ABHD17C: variants seen among roughly 807,000 people sequenced by gnomAD.
ABHD17C encodes the protein alpha/beta hydrolase domain-containing protein 17C.
A neutral mutation model predicts 27.9 loss-of-function variants in ABHD17C; 11 were observed. The observed-to-expected ratio is 0.39, with a 90% CI of 0.25 to 0.65. ABHD17C has a LOEUF of 0.65. ABHD17C is among the 30% of genes least tolerant of loss of function. ABHD17C has a pLI of 0.45. For synonymous variants in ABHD17C, 233 were observed against 209.1 expected (o/e 1.11, Z -0.98); for missense variants, 280 against 470.2 (o/e 0.60, Z 3.74).
At position 80,708,212 on chromosome 15, in the gene ABHD17C, TTTC is replaced by T. The variant is rs969705674; in HGVS notation, c.590+12196_590+12198del. Among the ~76,000 whole-genome samples the T allele has an allele frequency of 8.7e-4, 133 of 152,354 alleles. 1 individual carries two copies. The highest frequency in any genetic ancestry group is 3.0e-3 in the African/African-American group (125 of 41,590). On this transcript the variant is annotated intron_variant, in intron 1 of 2. Coordinates refer to ENST00000258884, the MANE Select transcript of ABHD17C (RefSeq NM_021214.2). ...GTTTTCCATCTTTTCCTTCTCCTTC[TTTC>T]TTTATTCTAGGCTCTTGATAGCTTG... is the stretch of plus-strand genomic sequence containing the variant.
At chr15:80,714,956 ATCT>A (rs921726885) in intron 1 of ABHD17C, among the ~76,000 whole-genome samples, 47 of 152,274 alleles carry the variant, frequency 3.1e-4, no homozygotes, top group Middle Eastern at 3.4e-3. Flanking sequence ...GCTAGGTATA[ATCT>A]TCTGCAGTAT....
chr15:80,713,354 C>CTTTTTTTTTT (rs67320992), intron 1 of ABHD17C, among the ~76,000 whole-genome samples: 1,196 of 43,872 alleles, frequency 0.027, 293 homozygotes, highest in East Asian at 0.19. Context: ...AGGTCTTGTT[C>CTTTTTTTTTT]TTTTTTTTTT....
chr15:80,709,027 A>G lies in ABHD17C; in HGVS notation c.590+13008A>G, dbSNP rs192209172. Reference sequence around the variant, plus strand: ...TGTACAATATTACCTGCTCCTGGGAAGTTTCTGCGAATCTCCTTTGCTGAA... The same window carrying G: ...TGTACAATATTACCTGCTCCTGGGAGGTTTCTGCGAATCTCCTTTGCTGAA... On this transcript the variant is annotated intron_variant, in intron 1 of 2. Transcript: ENST00000258884. Among the ~76,000 whole-genome samples the G allele has an allele frequency of 2.1e-3, 317 of 152,302 alleles. 1 individual carries two copies. The highest frequency in any genetic ancestry group is 7.5e-3 in the African/African-American group (312 of 41,566).
intron 1 of ABHD17C, among the ~76,000 whole-genome samples, chr15:80,698,472 G>A (rs1468969129): frequency 6.6e-6 from 1 of 152,230 alleles, no homozygotes; most frequent in East Asian, 1.9e-4. Flanking sequence ...TCTGACAGGA[G>A]GATAGACTGG....
intron 1 of ABHD17C, among the ~76,000 whole-genome samples, chr15:80,736,629 G>T (rs893357721): frequency 1.3e-5 from 2 of 152,118 alleles, no homozygotes; most frequent in African/African-American, 4.8e-5. Context: ...GTTACCTTGT[G>T]TATTTATCTT....
At chr15:80,699,445 G>T (rs1469150493) in intron 1 of ABHD17C, among the ~76,000 whole-genome samples, 2 of 151,806 alleles carry the variant, frequency 1.3e-5, no homozygotes, top group Non-Finnish European at 2.9e-5. Context: ...AGATGTATTG[G>T]CTTGAGGCCT....
Position 80,755,245 on chromosome 15 carries a change from A to G in ABHD17C, c.*875A>G, listed in dbSNP as rs958538335. The G allele has an allele frequency of 2.6e-5, 4 of 152,170 alleles. No homozygotes were observed. Among genetic ancestry groups the G allele is most frequent in the Admixed American group, 1.3e-4 (2 of 15,274 alleles). 9.4% of individuals were successfully genotyped at this position (152,170 alleles called of 1,614,324 possible). On this transcript the variant is annotated 3_prime_UTR_variant, in exon 3 of 3. Transcript: ENST00000258884. ...ATTTTGTTAATATGTTTTTATTCCT[A>G]TGTTTTGCTATTAAAAATTTTATAA... is the stretch of plus-strand genomic sequence containing the variant.
At chr15:80,730,097 A>G (rs1194108567) in intron 1 of ABHD17C, among the ~76,000 whole-genome samples, 1 of 148,798 alleles carries the variant, frequency 6.7e-6, no homozygotes, top group Non-Finnish European at 1.5e-5. Flanking sequence ...CAACAGAGCA[A>G]GACTCCATCT....
At chr15:80,706,530 T>C (rs934767415) in intron 1 of ABHD17C, among the ~76,000 whole-genome samples, 1 of 152,218 alleles carries the variant, frequency 6.6e-6, no homozygotes, top group Non-Finnish European at 1.5e-5. Context: ...TACAGTGAAA[T>C]CTGGGCAGTT....
intron 1 of ABHD17C, among the ~76,000 whole-genome samples, chr15:80,715,623 T>C (rs1192318758): frequency 6.6e-6 from 1 of 152,178 alleles, no homozygotes; most frequent in African/African-American, 2.4e-5. Flanking sequence ...TTTCAAAGAT[T>C]TGAGGAAGAG....
At chr15:80,734,974 A>G (rs987578528) in intron 1 of ABHD17C, among the ~76,000 whole-genome samples, 2 of 152,224 alleles carry the variant, frequency 1.3e-5, no homozygotes, top group African/African-American at 4.8e-5. Flanking sequence ...TACTCTGTGC[A>G]TTATGGTATC....
chr15:80,750,746 A>G (rs1462936544), intron 2 of ABHD17C, among the ~76,000 whole-genome samples: 1 of 152,112 alleles, frequency 6.6e-6, no homozygotes, highest in African/African-American at 2.4e-5. Flanking sequence ...AATGCTAAGT[A>G]GGGCTAATGT....
At chr15:80,705,656 C>T (rs531428499) in intron 1 of ABHD17C, among the ~76,000 whole-genome samples, 3 of 152,130 alleles carry the variant, frequency 2.0e-5, no homozygotes, top group Admixed American at 1.3e-4. Context: ...AAAGAAGTTG[C>T]TTCTTTTCCC....
chr15:80,751,366 A>G (rs1198822602), intron 2 of ABHD17C, among the ~76,000 whole-genome samples: 1 of 149,524 alleles, frequency 6.7e-6, no homozygotes, highest in Non-Finnish European at 1.5e-5. Context: ...TCTCCAAAGG[A>G]AAAAAAAAAG....
intron 1 of ABHD17C, among the ~76,000 whole-genome samples, chr15:80,726,080 A>T (rs989739658): frequency 6.6e-6 from 1 of 152,262 alleles, no homozygotes; most frequent in Non-Finnish European, 1.5e-5. Context: ...AGTATCCCTT[A>T]TGGGAAACAA....
In ABHD17C at chr15:80,749,517, G is replaced by T; in HGVS notation, c.595G>T (p.Gly199Cys). ...AAWQALRTRY[G>C]VSPENIILYG... Reference sequence around the variant, plus strand: ...TACAACCTCTGATTTCTCCAGGTATGGCGTGAGTCCCGAGAACATTATCCT... The same window carrying T: ...TACAACCTCTGATTTCTCCAGGTATTGCGTGAGTCCCGAGAACATTATCCT... Residue 199 changes from glycine (G) to cysteine (C), a missense_variant, in exon 2 of 3, where the codon GGC becomes TGC. Gly to Cys is a radical substitution (Grantham distance 159). Coordinates refer to ENST00000258884, the MANE Select transcript of ABHD17C (RefSeq NM_021214.2). 1 of 1,613,600 alleles carries T rather than the reference G, an allele frequency of 6.2e-7. No individual in the cohort carries two copies. The highest frequency in any genetic ancestry group is 1.1e-5 in the South Asian group (1 of 90,996).
chr15:80,708,161 C>T (rs771016387), intron 1 of ABHD17C, among the ~76,000 whole-genome samples: 8 of 152,174 alleles, frequency 5.3e-5, no homozygotes, highest in Non-Finnish European at 7.3e-5. Flanking sequence ...TCTGGTCAGC[C>T]ACACGTTTCT....
chr15:80,739,114 C>A (rs1895172115), intron 1 of ABHD17C, among the ~76,000 whole-genome samples: 1 of 151,938 alleles, frequency 6.6e-6, no homozygotes, highest in Non-Finnish European at 1.5e-5. Context: ...ATTAAGGGAA[C>A]CAGAGGAGAA....
At position 80,731,221 on chromosome 15, in the gene ABHD17C, A is replaced by G. The variant is rs150295205; in HGVS notation, c.591-18292A>G. On this transcript the variant is annotated intron_variant, in intron 1 of 2. Transcript: ENST00000258884. ...CTTTAACAACTGCCCTTGAGTGTTC[A>G]AATATAGAAATTGGAGTTCTGTTAC... Among the ~76,000 whole-genome samples, 198 of 152,296 alleles carry G rather than the reference A, an allele frequency of 1.3e-3. 2 individuals carry two copies. In the Middle Eastern group the frequency reaches 0.02, roughly 16 times the overall value.
Sources: gnomAD v4.1 joint callset for allele counts (sites outside exome capture counted in the v4.1 genomes callset) on GRCh38, gnomAD v4.1.1 for gene constraint, MANE v1.5 for transcripts, NCBI Gene and HGNC (gene_info 2026-07-23, HGNC 2026-07-21) for gene names.